The following FAM227B variants were observed in gnomAD, a reference collection of about 807,000 sequenced individuals.
The protein encoded by FAM227B is family with sequence similarity 227 member B, also known as protein FAM227B.
In FAM227B, 88 loss-of-function variants were observed where a neutral mutation model predicts 73.8. The observed-to-expected ratio is 1.19, with a 90% CI of 1.00 to 1.42. The LOEUF is 1.42. Ranked by LOEUF, FAM227B falls within the 40% of genes most tolerant of loss-of-function variation. The pLI, the probability that FAM227B is intolerant of heterozygous loss-of-function variation, is 0.00. For missense variants in FAM227B, 632 were observed against 590.9 expected (o/e 1.07, Z -0.72); for synonymous variants, 210 against 190.5 (o/e 1.10, Z -0.84).
chr15:49,460,151 C>T (rs1442312341), intron 11 of FAM227B, among the ~76,000 whole-genome samples: 1 of 151,924 alleles, frequency 6.6e-6, no homozygotes, highest in East Asian at 1.9e-4. Flanking sequence ...GAGGCAAGCC[C>T]CAAGAGAGGA....
intron 8 of FAM227B, among the ~76,000 whole-genome samples, chr15:49,571,254 C>A (rs956168025): frequency 3.3e-5 from 5 of 151,780 alleles, no homozygotes; most frequent in African/African-American, 1.2e-4. Context: ...TGGACATTAA[C>A]CCCTTATCAG....
chr15:49,611,073 A>T lies in FAM227B; in HGVS notation c.105+142T>A, dbSNP rs1258294499. 6 of 530,712 alleles carry T rather than the reference A, an allele frequency of 1.1e-5. No individual in the cohort carries two copies. In the East Asian group the frequency reaches 1.5e-4, roughly 13 times the overall value. The allele number at this position is 530,712 out of a possible 1,614,324, so 32.9% of individuals were successfully genotyped here. A position where few individuals can be genotyped will look rare whatever the true frequency, so the allele number is the denominator to read the frequency against. Reference sequence around the variant, plus strand: ...ACAACATAGAGCCTACTCAAAGGACATAAGTATTTATATACACACTTTCCT... The same window carrying T: ...ACAACATAGAGCCTACTCAAAGGACTTAAGTATTTATATACACACTTTCCT... On this transcript the variant is annotated intron_variant, in intron 3 of 15. Coordinates refer to ENST00000299338, the MANE Select transcript of FAM227B (RefSeq NM_152647.3).
At chr15:49,582,626 C>A (rs756344321) in intron 5 of FAM227B, among the ~76,000 whole-genome samples, 3 of 152,274 alleles carry the variant, frequency 2.0e-5, no homozygotes, top group African/African-American at 7.2e-5. Flanking sequence ...CTGGGTCAAA[C>A]GGACCTGGCA....
At chr15:49,608,419 A>AT (rs909356178) in intron 3 of FAM227B, among the ~76,000 whole-genome samples, 3 of 151,872 alleles carry the variant, frequency 2.0e-5, no homozygotes, top group Non-Finnish European at 2.9e-5. Context: ...TTAGAGAGGA[A>AT]TTTTTTTTAT....
chr15:49,452,919 A>C (rs2052902237), intron 11 of FAM227B, among the ~76,000 whole-genome samples: 1 of 152,198 alleles, frequency 6.6e-6, no homozygotes. Flanking sequence ...TACATATTTC[A>C]AAGTCAGGAA....
intron 8 of FAM227B, among the ~76,000 whole-genome samples, chr15:49,570,610 T>C (rs539007439): frequency 3.8e-4 from 58 of 151,752 alleles, no homozygotes; most frequent in African/African-American, 1.4e-3. Flanking sequence ...CTTTTGATCA[T>C]CTCACCTTTC....
intron 13 of FAM227B, among the ~76,000 whole-genome samples, chr15:49,350,447 A>G (rs2042080576): frequency 6.6e-6 from 1 of 152,230 alleles, no homozygotes; most frequent in Non-Finnish European, 1.5e-5. Flanking sequence ...ATGTAAAAGT[A>G]TCATTGACTG....
intron 10 of FAM227B, among the ~76,000 whole-genome samples, chr15:49,520,890 T>C (rs1282692298): frequency 6.6e-6 from 1 of 152,140 alleles, no homozygotes; most frequent in African/African-American, 2.4e-5. Flanking sequence ...GATTGATGCC[T>C]GGAGAACTTG....
intron 11 of FAM227B, among the ~76,000 whole-genome samples, chr15:49,412,495 A>G (rs993545058): frequency 5.3e-5 from 8 of 152,006 alleles, no homozygotes; most frequent in Non-Finnish European, 1.2e-4. Context: ...CAACACTGTT[A>G]TTCTTAAAAT....
At chr15:49,406,555 T>C (rs2048523986) in intron 11 of FAM227B, among the ~76,000 whole-genome samples, 1 of 142,860 alleles carries the variant, frequency 7.0e-6, no homozygotes, top group Non-Finnish European at 1.5e-5. Flanking sequence ...GCAGCAGCTT[T>C]GGCGGGAGGG....
chr15:49,475,587 TAA>T (rs1310066831), intron 11 of FAM227B, among the ~76,000 whole-genome samples: 1 of 149,862 alleles, frequency 6.7e-6, no homozygotes, highest in African/African-American at 2.5e-5. Flanking sequence ...AATATTATGC[TAA>T]CTTTATTATT....
At chr15:49,465,571 A>T (rs531042261) in intron 11 of FAM227B, among the ~76,000 whole-genome samples, 8 of 146,656 alleles carry the variant, frequency 5.5e-5, no homozygotes, top group Non-Finnish European at 1.2e-4. Context: ...TAGATTCAAG[A>T]GAGATTTAGC....
At chr15:49,396,635 C>T (rs1490134803) in intron 11 of FAM227B, among the ~76,000 whole-genome samples, 77 of 152,122 alleles carry the variant, frequency 5.1e-4, no homozygotes, top group African/African-American at 1.5e-3. Flanking sequence ...TCTCCCAGCA[C>T]CCAGCTGGAG....
chr15:49,333,376 G>A (rs1026586540), intron 14 of FAM227B, among the ~76,000 whole-genome samples: 2 of 152,132 alleles, frequency 1.3e-5, no homozygotes, highest in African/African-American at 2.4e-5. Flanking sequence ...AAATATGTAT[G>A]TTTCAACAAT....
chr15:49,503,645 C>T (rs943815886), intron 11 of FAM227B, among the ~76,000 whole-genome samples: 8 of 152,256 alleles, frequency 5.3e-5, no homozygotes, highest in African/African-American at 1.9e-4. Context: ...CAAAAGAAGA[C>T]ATTTATGCAG....
At chr15:49,612,461 T>C (rs1227884448) in intron 2 of FAM227B, among the ~76,000 whole-genome samples, 1 of 152,186 alleles carries the variant, frequency 6.6e-6, no homozygotes, top group East Asian at 1.9e-4. Context: ...ATGGTGTATA[T>C]GTGAATCATG....
At chr15:49,375,235 G>A (rs1470979292) in intron 11 of FAM227B, among the ~76,000 whole-genome samples, 3 of 151,832 alleles carry the variant, frequency 2.0e-5, no homozygotes, top group Admixed American at 6.6e-5. Context: ...TATGTAGATC[G>A]CTAGCATCGT....
At chr15:49,394,124 C>G (rs1378689772) in intron 11 of FAM227B, among the ~76,000 whole-genome samples, 4 of 152,138 alleles carry the variant, frequency 2.6e-5, no homozygotes, top group Non-Finnish European at 1.5e-5. Context: ...ATAGAGAACA[C>G]AGAGCTAGAA....
At chr15:49,500,299 A>G (rs886850285) in intron 11 of FAM227B, among the ~76,000 whole-genome samples, 5 of 152,242 alleles carry the variant, frequency 3.3e-5, no homozygotes, top group Admixed American at 1.3e-4. Flanking sequence ...AATGGCCAAG[A>G]TATTTGAACA....
Sources: allele counts gnomAD v4.1 joint callset (sites outside exome capture counted in the v4.1 genomes callset), GRCh38; gene constraint gnomAD v4.1.1; transcripts MANE v1.5; gene names NCBI Gene and HGNC (gene_info 2026-07-23, HGNC 2026-07-21).